The following PIK3CB variants were observed in gnomAD, a reference collection of about 807,000 sequenced individuals.
The protein encoded by PIK3CB is phosphatidylinositol 4,5-bisphosphate 3-kinase catalytic subunit beta isoform.
In PIK3CB, 39 loss-of-function variants were observed where a neutral mutation model predicts 136.8. The ratio of observed to expected loss-of-function variants is 0.29; its 90% CI spans 0.22 to 0.37. The LOEUF is 0.37. Ranked by LOEUF, PIK3CB falls within the 10% of genes least tolerant of loss-of-function variation. The pLI, the probability that PIK3CB is intolerant of heterozygous loss-of-function variation, is 1.00. For missense variants in PIK3CB, 868 were observed against 1,275.4 expected (o/e 0.68, Z 4.87); for synonymous variants, 428 against 436.6 (o/e 0.98, Z 0.25).
intron 2 of PIK3CB, among the ~76,000 whole-genome samples, chr3:138,783,737 T>C (rs1428209433): frequency 6.6e-6 from 1 of 151,928 alleles, no homozygotes; most frequent in East Asian, 1.9e-4. Flanking sequence ...GGCTGGTAGG[T>C]CAAATTAAGG....
At chr3:138,767,469 G>A (rs2045747078) in intron 2 of PIK3CB, among the ~76,000 whole-genome samples, 1 of 152,202 alleles carries the variant, frequency 6.6e-6, no homozygotes, top group Non-Finnish European at 1.5e-5. Flanking sequence ...TCCTTGGGGT[G>A]TTGTTTTTCT....
At chr3:138,711,502 C>G (rs2044496942) in intron 10 of PIK3CB, among the ~76,000 whole-genome samples, 1 of 147,324 alleles carries the variant, frequency 6.8e-6, no homozygotes, top group Non-Finnish European at 1.5e-5. Flanking sequence ...TCGCTTGAAC[C>G]TGGGAGGCAG....
chr3:138,705,191 A>AC (rs1238868902), intron 11 of PIK3CB, among the ~76,000 whole-genome samples: 1 of 93,502 alleles, frequency 1.1e-5, no homozygotes, highest in African/African-American at 5.4e-5. Context: ...CAAAACAAAC[A>AC]AAAAAAAAAA....
chr3:138,722,227 C>G (rs1384000361), intron 8 of PIK3CB, among the ~76,000 whole-genome samples: 1 of 42,170 alleles, frequency 2.4e-5, no homozygotes, highest in Non-Finnish European at 6.7e-5. Context: ...AAGAGACACA[C>G]ACACACACAC....
chr3:138,760,242 C>G (rs1182011379), intron 2 of PIK3CB, among the ~76,000 whole-genome samples: 1 of 152,056 alleles, frequency 6.6e-6, no homozygotes, highest in East Asian at 1.9e-4. Context: ...AATTTTCTAT[C>G]AACCTCACGG....
intron 2 of PIK3CB, among the ~76,000 whole-genome samples, chr3:138,769,150 A>G (rs555145994): frequency 1.3e-5 from 2 of 152,278 alleles, no homozygotes; most frequent in Admixed American, 1.3e-4. Flanking sequence ...AGCTCCACAG[A>G]GCATGCAGCC....
chr3:138,795,656 C>T (rs143800295), intron 2 of PIK3CB, among the ~76,000 whole-genome samples: 83 of 152,084 alleles, frequency 5.5e-4, no homozygotes, highest in African/African-American at 1.8e-3. Flanking sequence ...AATAATTGGG[C>T]ATTAATTGAT....
At chr3:138,731,005 A>G (rs1343832809) in intron 8 of PIK3CB, among the ~76,000 whole-genome samples, 4 of 152,222 alleles carry the variant, frequency 2.6e-5, no homozygotes, top group African/African-American at 7.2e-5. Context: ...AGGACTGTCC[A>G]GCACATATTA....
chr3:138,812,724 T>G (rs539473842), intron 1 of PIK3CB, among the ~76,000 whole-genome samples: 1 of 152,130 alleles, frequency 6.6e-6, no homozygotes, highest in Non-Finnish European at 1.5e-5. Flanking sequence ...AGATGGGGTT[T>G]CACCATGTTG....
intron 2 of PIK3CB, among the ~76,000 whole-genome samples, chr3:138,764,085 T>G (rs2045697728): frequency 7.0e-6 from 1 of 143,678 alleles, no homozygotes; most frequent in African/African-American, 2.6e-5. Context: ...CACTCCAGCC[T>G]GGGCGACAGG....
chr3:138,826,517 T>C (rs1437769279), intron 1 of PIK3CB, among the ~76,000 whole-genome samples: 1 of 150,912 alleles, frequency 6.6e-6, no homozygotes. Flanking sequence ...TTTTTTTTTT[T>C]TTTTGGCATG....
chr3:138,782,230 T>A (rs1274434532), intron 2 of PIK3CB, among the ~76,000 whole-genome samples: 2 of 152,232 alleles, frequency 1.3e-5, no homozygotes, highest in African/African-American at 4.8e-5. Context: ...AAGGCCATGA[T>A]GCAGTTTGTA....
chr3:138,686,133 T>C (rs950116672), intron 16 of PIK3CB, among the ~76,000 whole-genome samples: 2 of 151,320 alleles, frequency 1.3e-5, no homozygotes, highest in African/African-American at 4.9e-5. Context: ...AGTGAGACTA[T>C]GTCTCAAAAA....
At chr3:138,784,968 G>A (rs1380089531) in intron 2 of PIK3CB, among the ~76,000 whole-genome samples, 4 of 150,544 alleles carry the variant, frequency 2.7e-5, no homozygotes, top group Admixed American at 6.6e-5. Flanking sequence ...CGGCCACCCC[G>A]TCTGAGAAGT....
intron 5 of PIK3CB, among the ~76,000 whole-genome samples, chr3:138,739,762 C>T (rs1436823887): frequency 2.0e-5 from 3 of 150,436 alleles, no homozygotes; most frequent in African/African-American, 7.3e-5. Flanking sequence ...ATTAGCCAGG[C>T]ATGGTGGCCC....
chr3:138,656,322 G>C lies in PIK3CB; in HGVS notation c.2943-48C>G, dbSNP rs778600849. 6.9e-6 allele frequency: 11 copies of C among 1,597,738 alleles called. No individual in the cohort carries two copies. In the South Asian group the frequency reaches 1.0e-4, roughly 15 times the overall value. On this transcript the variant is annotated intron_variant, in intron 22 of 23. Transcript: ENST00000674063. ...CATGAGCACAGTGTTAGAGGGGAGAGAGCACATTTCATACAGGAAATTAAG... is the reference window on the plus strand; with the variant it reads ...CATGAGCACAGTGTTAGAGGGGAGACAGCACATTTCATACAGGAAATTAAG...
At chr3:138,705,197 A>AAAAAAAAAAAAAAAAAT (rs1313585582) in intron 11 of PIK3CB, among the ~76,000 whole-genome samples, 1 of 142,190 alleles carries the variant, frequency 7.0e-6, no homozygotes, top group Admixed American at 7.2e-5. Context: ...AAACAAAAAA[A>AAAAAAAAAAAAAAAAAT]AAAACTTATA....
At chr3:138,778,469 A>C in intron 2 of PIK3CB, 1 of 243,256 alleles carries the variant, frequency 4.1e-6, no homozygotes, top group South Asian at 4.5e-5. Context: ...AGCTGTGGGC[A>C]AAGTCATCTC....
At position 138,707,147 on chromosome 3, in the gene PIK3CB, T is replaced by G. The variant is rs377732479; in HGVS notation, c.1530+12A>C. On this transcript the variant is annotated intron_variant, in intron 11 of 23. Transcript: ENST00000674063. The stretch of plus-strand genomic sequence containing the variant: ...ATTTCATGCATAGAGGTCCTTTAAA[T>G]AATTAGCTTACCTTATCGAAGGGAG... The G allele has an allele frequency of 1.2e-4, 175 of 1,451,926 alleles. No homozygotes were observed. The highest frequency in any genetic ancestry group is 1.6e-4 in the Non-Finnish European group (164 of 1,033,122). The allele number at this position is 1,451,926 out of a possible 1,614,324, so 89.9% of individuals were successfully genotyped here. A position where few individuals can be genotyped will look rare whatever the true frequency, so the allele number is the denominator to read the frequency against.
Sources: gnomAD v4.1 joint callset for allele counts (sites outside exome capture counted in the v4.1 genomes callset) on GRCh38, gnomAD v4.1.1 for gene constraint, MANE v1.5 for transcripts, NCBI Gene and HGNC (gene_info 2026-07-23, HGNC 2026-07-21) for gene names.